Variants in ABCC1 observed in about 807,000 individuals in gnomAD.
ABCC1 encodes the protein ATP binding cassette subfamily C member 1 (ABCC1 blood group), also known as multidrug resistance-associated protein 1.
A neutral mutation model predicts 172.9 loss-of-function variants in ABCC1; 83 were observed. That is an observed-to-expected ratio of 0.48 (90% confidence interval 0.40 to 0.58). The LOEUF (loss-of-function observed/expected upper bound fraction) is 0.58. ABCC1 is among the 20% of genes least tolerant of loss of function. The probability of loss-of-function intolerance (pLI) is 0.00; values close to 1 mark genes in which losing one functional copy is unlikely to be tolerated. For synonymous variants in ABCC1, 937 were observed against 825.2 expected (o/e 1.14, Z -2.32); for missense variants, 1,817 against 2,002.7 (o/e 0.91, Z 1.77).
intron 26 of ABCC1, among the ~76,000 whole-genome samples, chr16:16,127,824 C>T (rs1214558123): frequency 6.6e-6 from 1 of 151,726 alleles, no homozygotes; most frequent in African/African-American, 2.4e-5. Context: ...GTAAGAATGG[C>T]GTGAGTGCCC....
At position 16,007,974 on chromosome 16, in the gene ABCC1, T is replaced by G. The variant is rs554599972; in HGVS notation, c.207T>G (p.Pro69=). ...ACCGAGGCTACATTCAGATGACACC[T>G]CTCAACAAAACCAAAACTGTAAGTC... ...RHDRGYIQMT[P]LNKTKTALGF... is the part of the protein sequence containing the mutation. Residue 69 remains proline, a synonymous_variant, in exon 2 of 31, where the codon CCT becomes CCG. Coordinates refer to ENST00000399410, the MANE Select transcript of ABCC1 (RefSeq NM_004996.4). 2.3e-5 allele frequency: 30 copies of G among 1,332,530 alleles called. No homozygotes were observed. The African/African-American group carries it at 3.8e-4, about 17-fold the overall frequency. 82.5% of individuals were successfully genotyped at this position (1,332,530 alleles called of 1,614,324 possible).
intron 12 of ABCC1, among the ~76,000 whole-genome samples, chr16:16,067,363 C>T (rs1053070683): frequency 3.9e-5 from 6 of 152,162 alleles, no homozygotes; most frequent in Admixed American, 1.3e-4. Flanking sequence ...CCCGTGGGAC[C>T]GGGCTCTCGC....
At chr16:16,001,677 T>C (rs1381187360) in intron 1 of ABCC1, among the ~76,000 whole-genome samples, 1 of 152,214 alleles carries the variant, frequency 6.6e-6, no homozygotes, top group Admixed American at 6.5e-5. Context: ...GTTTTACTCA[T>C]GATAAAGAGA....
At chr16:16,033,286 C>A in intron 6 of ABCC1, 116 bp downstream of exon 6, 3 of 1,049,272 alleles carry the variant, frequency 2.9e-6, no homozygotes, top group Non-Finnish European at 4.3e-6. Context: ...TGCTCTTCTG[C>A]AGAGTTGTCT....
At chr16:16,016,658 G>A in intron 5 of ABCC1, 37 bp downstream of exon 5, 1 of 1,611,644 alleles carries the variant, frequency 6.2e-7, no homozygotes, top group African/African-American at 1.3e-5. Context: ...GTGCGTGTGT[G>A]TGTGAGAGAG....
chr16:16,083,598 A>G, intron 17 of ABCC1, 56 bp downstream of exon 17: 1 of 1,578,528 alleles, frequency 6.3e-7, no homozygotes, highest in Non-Finnish European at 8.7e-7. Context: ...CGCGTAACAA[A>G]TGCTCTCACA....
chr16:16,030,188 T>A (rs538890858), intron 5 of ABCC1, among the ~76,000 whole-genome samples: 2 of 152,190 alleles, frequency 1.3e-5, no homozygotes, highest in Non-Finnish European at 2.9e-5. Flanking sequence ...CAACATCAGA[T>A]GTTTCTCTTT....
intron 19 of ABCC1, among the ~76,000 whole-genome samples, chr16:16,093,971 CCTCT>C (rs962259742): frequency 8.0e-6 from 1 of 125,440 alleles, no homozygotes; most frequent in Non-Finnish European, 1.6e-5. Flanking sequence ...TGTTTGTCTC[CCTCT>C]CTCCTTTTTT....
intron 1 of ABCC1, among the ~76,000 whole-genome samples, chr16:15,960,850 C>A (rs1224172288): frequency 6.6e-6 from 1 of 152,082 alleles, no homozygotes; most frequent in Non-Finnish European, 1.5e-5. Context: ...CTGGAGCATT[C>A]GGCAAAATGC....
chr16:16,038,721 C>T (rs534346725), intron 7 of ABCC1, among the ~76,000 whole-genome samples: 18 of 152,316 alleles, frequency 1.2e-4, no homozygotes, highest in African/African-American at 4.3e-4. Context: ...ATCTGGATTC[C>T]TTCAGCCTCA....
At chr16:16,079,158 C>A (rs1459467453) in intron 15 of ABCC1, among the ~76,000 whole-genome samples, 194 bp from the exon 16 acceptor site, 1 of 152,104 alleles carries the variant, frequency 6.6e-6, no homozygotes, top group Non-Finnish European at 1.5e-5. Flanking sequence ...ACCTGGAGGC[C>A]CCCTGAGACA....
chr16:16,102,804 CCT>C, intron 20 of ABCC1, 87 bp downstream of exon 20: 1 of 1,292,546 alleles, frequency 7.7e-7, no homozygotes, highest in Non-Finnish European at 1.1e-6. Context: ...GCCTCAGCCC[CCT>C]GAGGTCCTGG....
chr16:16,052,828 G>C lies in ABCC1; in HGVS notation c.1473+12G>C. The C allele has an allele frequency of 6.2e-7, 1 of 1,613,932 alleles. No homozygotes were observed. On this transcript the variant is annotated intron_variant, in intron 11 of 30. Coordinates refer to ENST00000399410, the MANE Select transcript of ABCC1 (RefSeq NM_004996.4). ...CCAAGACGTATCAGGTAAGGCATGT[G>C]TCTCTGCGGGCCCCCAAGCCGGGCC...
Position 16,015,428 on chromosome 16 carries a change from A to C in ABCC1, c.489+800A>C, listed in dbSNP as rs562021813. On this transcript the variant is annotated intron_variant, in intron 4 of 30. Transcript: ENST00000399410. ...GTTGGGATTACAGGCGTGAGCCACC[A>C]CGCCTGACCTGGAGTGTGTGCTTTT... 5.3e-5 allele frequency among the ~76,000 whole-genome samples: 8 copies of C among 152,136 alleles called. No homozygotes were observed. The East Asian group carries it at 9.7e-4, about 18-fold the overall frequency.
rs1016000516 is a variant in ABCC1, at chr16:16,102,213, T to A, written c.2645-414T>A. ...TTGGTTATCTATTTTGAATATCACTTCTTCTTTCAATGCTTGGGAATCACG... is the reference window on the plus strand; with the variant it reads ...TTGGTTATCTATTTTGAATATCACTACTTCTTTCAATGCTTGGGAATCACG... On this transcript the variant is annotated intron_variant, in intron 19 of 30. Transcript: ENST00000399410. Among the ~76,000 whole-genome samples the A allele has an allele frequency of 2.2e-4, 27 of 120,710 alleles. No individual in the cohort carries two copies. In the Middle Eastern group the frequency reaches 0.013, roughly 58 times the overall value. 79.2% of individuals were successfully genotyped at this position (120,710 alleles called of 152,430 possible). A position where few individuals can be genotyped will look rare whatever the true frequency, so the allele number is the denominator to read the frequency against.
chr16:16,105,878 C>CTT (rs574151579), intron 20 of ABCC1, among the ~76,000 whole-genome samples: 55,128 of 126,282 alleles, frequency 0.44, 13,683 homozygotes, highest in Non-Finnish European at 0.54. Flanking sequence ...GCGAAAAGTG[C>CTT]TTTTTTTTTT....
At chr16:16,005,840 G>A (rs2047510192) in intron 1 of ABCC1, among the ~76,000 whole-genome samples, 1 of 152,020 alleles carries the variant, frequency 6.6e-6, no homozygotes, top group Admixed American at 6.6e-5. Flanking sequence ...CGCAGTCCCA[G>A]CTATTTAGGA....
intron 1 of ABCC1, among the ~76,000 whole-genome samples, chr16:15,957,735 G>A (rs2046030046): frequency 6.6e-6 from 1 of 152,184 alleles, no homozygotes; most frequent in East Asian, 1.9e-4. Context: ...TGGGACTACA[G>A]GGGCACGCCA....
At chr16:15,970,397 G>A (rs1017312116) in intron 1 of ABCC1, among the ~76,000 whole-genome samples, 1 of 152,216 alleles carries the variant, frequency 6.6e-6, no homozygotes, top group African/African-American at 2.4e-5. Flanking sequence ...AGCTGCAAAG[G>A]AGGCTGGGAA....
Sources: allele counts gnomAD v4.1 joint callset (sites outside exome capture counted in the v4.1 genomes callset), GRCh38; gene constraint gnomAD v4.1.1; transcripts MANE v1.5; gene names NCBI Gene and HGNC (gene_info 2026-07-23, HGNC 2026-07-21).